PPM1H: variants seen among roughly 807,000 people sequenced by gnomAD.
The protein encoded by PPM1H is protein phosphatase 1H.
Under a neutral mutation model 54.9 loss-of-function variants are expected in PPM1H, and 27 were observed. The ratio of observed to expected loss-of-function variants is 0.49; its 90% CI spans 0.36 to 0.68. The LOEUF is 0.68. PPM1H is among the 30% of genes least tolerant of loss of function. The probability of loss-of-function intolerance (pLI) is 0.00; values close to 1 mark genes in which losing one functional copy is unlikely to be tolerated. For synonymous variants in PPM1H, 305 were observed against 270.8 expected (o/e 1.13, Z -1.24); for missense variants, 596 against 667.8 (o/e 0.89, Z 1.19).
At chr12:62,862,159 G>C (rs991224926) in intron 1 of PPM1H, among the ~76,000 whole-genome samples, 2 of 152,130 alleles carry the variant, frequency 1.3e-5, no homozygotes, top group Non-Finnish European at 2.9e-5. Context: ...CCCAGAGAGC[G>C]GGCTGCTGAC....
intron 1 of PPM1H, among the ~76,000 whole-genome samples, chr12:62,925,575 C>CA (rs1440624835): frequency 3.3e-5 from 5 of 152,068 alleles, no homozygotes; most frequent in South Asian, 2.1e-4. Context: ...GAGACTATCT[C>CA]AAAAAAACAA....
At chr12:62,868,335 C>T (rs1461125501) in intron 1 of PPM1H, among the ~76,000 whole-genome samples, 2 of 152,134 alleles carry the variant, frequency 1.3e-5, no homozygotes, top group African/African-American at 2.4e-5. Context: ...ACGTGTAGGT[C>T]GCAAGCTGGA....
intron 9 of PPM1H, among the ~76,000 whole-genome samples, chr12:62,661,816 C>T (rs61692529): frequency 0.023 from 3,473 of 152,256 alleles, 136 homozygotes; most frequent in African/African-American, 0.079. Context: ...CCTATGGAGT[C>T]GCTCAGATTA....
intron 1 of PPM1H, among the ~76,000 whole-genome samples, chr12:62,901,746 G>A (rs1871168314): frequency 6.6e-6 from 1 of 152,116 alleles, no homozygotes; most frequent in Non-Finnish European, 1.5e-5. Context: ...TAGGTGCCAT[G>A]GTAGGAAGTC....
chr12:62,838,296 T>A (rs1002402745), intron 1 of PPM1H, among the ~76,000 whole-genome samples: 1 of 141,836 alleles, frequency 7.1e-6, no homozygotes, highest in African/African-American at 2.6e-5. Flanking sequence ...GAGATTTATA[T>A]ATAACTAGGA....
chr12:62,853,319 C>T (rs184512572), intron 1 of PPM1H, among the ~76,000 whole-genome samples: 24 of 152,000 alleles, frequency 1.6e-4, no homozygotes, highest in Admixed American at 9.8e-4. Flanking sequence ...TTCAGGTACA[C>T]GTTAAATTAT....
At chr12:62,658,853 A>T (rs1159899168) in intron 9 of PPM1H, 6 of 583,912 alleles carry the variant, frequency 1.0e-5, no homozygotes, top group Non-Finnish European at 1.9e-5. Flanking sequence ...GGAGCCCAAG[A>T]TTGTCAAAAA....
chr12:62,707,877 T>C (rs1471702703), intron 6 of PPM1H, among the ~76,000 whole-genome samples: 2 of 152,140 alleles, frequency 1.3e-5, no homozygotes. Context: ...TGCCTTGTCC[T>C]TTAGGTACAG....
chr12:62,720,443 A>G (rs1325107770), intron 5 of PPM1H, among the ~76,000 whole-genome samples, 154 bp from the exon 6 acceptor site: 1 of 152,256 alleles, frequency 6.6e-6, no homozygotes, highest in Non-Finnish European at 1.5e-5. Context: ...GAGTTTAAAC[A>G]CTAATAGAAG....
At position 62,839,884 on chromosome 12, in the gene PPM1H, A is replaced by AAAAAAC. The variant is rs761102672; in HGVS notation, c.246-7606_246-7605insGTTTTT. On this transcript the variant is annotated intron_variant, in intron 1 of 9. Transcript: ENST00000228705. ...GTGATCCTGTTTCTACAAAAAAAAA[A>AAAAAAC]AAAAAACACCCAGTGTGGTGGCACG... Among the ~76,000 whole-genome samples, 19 of 150,274 alleles carry AAAAAAC rather than the reference A, an allele frequency of 1.3e-4. No individual in the cohort carries two copies. In the South Asian group the frequency reaches 4.0e-3, roughly 31 times the overall value.
rs58166389 is a variant in PPM1H at position 62,830,998 on chromosome 12, C to T, written c.411+1116G>A. ...CCTCCTGAGTAGCTGGGATTACAGG[C>T]GCCCGCCACCATGCCCAGCTAATTT... On this transcript the variant is annotated intron_variant, in intron 2 of 9. Transcript: ENST00000228705. Among the ~76,000 whole-genome samples, 1,202 of 152,104 alleles carry T rather than the reference C, an allele frequency of 7.9e-3. 17 individuals are homozygous for T. The highest frequency in any genetic ancestry group is 0.027 in the African/African-American group (1,137 of 41,500).
At chr12:62,737,332 C>T (rs577724102) in intron 5 of PPM1H, among the ~76,000 whole-genome samples, 170 bp downstream of exon 5, 1 of 151,852 alleles carries the variant, frequency 6.6e-6, no homozygotes, top group South Asian at 2.1e-4. Flanking sequence ...TGTGTCGTCA[C>T]ACACGGAGCC....
At chr12:62,849,080 CAG>C (rs948503726) in intron 1 of PPM1H, among the ~76,000 whole-genome samples, 21 of 152,070 alleles carry the variant, frequency 1.4e-4, no homozygotes, top group African/African-American at 4.8e-4. Context: ...GAAATGGTAA[CAG>C]AGGGTGGGAG....
intron 9 of PPM1H, among the ~76,000 whole-genome samples, chr12:62,650,813 C>T (rs547409731): frequency 3.6e-4 from 55 of 152,236 alleles, no homozygotes; most frequent in African/African-American, 1.3e-3. Context: ...CATGGGGGAA[C>T]TCGGTCCCCA....
At chr12:62,718,853 G>A (rs1385557920) in intron 6 of PPM1H, among the ~76,000 whole-genome samples, 1 of 152,212 alleles carries the variant, frequency 6.6e-6, no homozygotes, top group Non-Finnish European at 1.5e-5. Context: ...ACTCAGAGCT[G>A]CAAAGGTGAA....
intron 1 of PPM1H, among the ~76,000 whole-genome samples, chr12:62,870,178 G>A (rs376325665): frequency 1.7e-4 from 26 of 152,296 alleles, no homozygotes; most frequent in Non-Finnish European, 2.6e-4. Context: ...TGGGAGAAAC[G>A]GAGAGGAAGC....
chr12:62,832,388 C>T lies in PPM1H; in HGVS notation c.246-109G>A, dbSNP rs1311759197. 5.8e-6 allele frequency: 6 copies of T among 1,025,954 alleles called. No homozygotes were observed. The Middle Eastern group carries it at 7.7e-4, about 132-fold the overall frequency. The allele number at this position is 1,025,954 out of a possible 1,614,324, so 63.6% of individuals were successfully genotyped here. A position where few individuals can be genotyped will look rare whatever the true frequency, so the allele number is the denominator to read the frequency against. On this transcript the variant is annotated intron_variant, in intron 1 of 9. Coordinates refer to ENST00000228705, the MANE Select transcript of PPM1H (RefSeq NM_020700.2). ...CTCTACAACTGGCCCAGAACTACAG[C>T]CCTGCTTAATGCTAAGAACATTATG...
chr12:62,683,194 T>C (rs4026212), intron 8 of PPM1H, among the ~76,000 whole-genome samples: 21,116 of 148,906 alleles, frequency 0.14, 1,771 homozygotes, highest in East Asian at 0.28. Flanking sequence ...ACAGGTGTGA[T>C]CCACTGTGCC....
intron 6 of PPM1H, among the ~76,000 whole-genome samples, chr12:62,715,113 T>G (rs2076227916): frequency 6.6e-6 from 1 of 152,234 alleles, no homozygotes; most frequent in African/African-American, 2.4e-5. Context: ...GAGAAACTGC[T>G]GTTTCAACTC....
Sources: gnomAD v4.1 joint callset for allele counts (sites outside exome capture counted in the v4.1 genomes callset) on GRCh38, gnomAD v4.1.1 for gene constraint, MANE v1.5 for transcripts, NCBI Gene and HGNC (gene_info 2026-07-23, HGNC 2026-07-21) for gene names.